CADM1: variants seen among roughly 807,000 people sequenced by gnomAD.
CADM1 encodes TSLC-1.
Under a neutral mutation model 53.1 loss-of-function variants are expected in CADM1, and 15 were observed. The observed-to-expected ratio is 0.28, with a 90% CI of 0.19 to 0.44. The LOEUF (loss-of-function observed/expected upper bound fraction) is 0.44, where lower values mean the gene tolerates loss of function less well. Among genes scored for constraint, CADM1 ranks in the 20% least tolerant of loss-of-function variants. The pLI, the probability that CADM1 is intolerant of heterozygous loss-of-function variation, is 1.00. For synonymous variants in CADM1, 281 were observed against 243.0 expected, an observed-to-expected ratio of 1.16 and a Z score of -1.45; for missense variants, 434 against 611.3, an observed-to-expected ratio of 0.71 and a Z score of 3.06.
At chr11:115,468,060 T>C (rs1330357721) in intron 1 of CADM1, among the ~76,000 whole-genome samples, 2 of 152,216 alleles carry the variant, frequency 1.3e-5, no homozygotes, top group Non-Finnish European at 1.5e-5. Flanking sequence ...TAGAAAAAGA[T>C]GTAATAAAAC....
intron 1 of CADM1, among the ~76,000 whole-genome samples, chr11:115,501,713 T>C (rs1949730181): frequency 1.3e-5 from 2 of 152,116 alleles, no homozygotes; most frequent in Non-Finnish European, 2.9e-5. Context: ...CCAGCAAGGA[T>C]GTAAACGAAA....
intron 1 of CADM1, among the ~76,000 whole-genome samples, chr11:115,308,374 A>C: frequency 6.6e-6 from 1 of 151,912 alleles, no homozygotes; most frequent in East Asian, 1.9e-4. Flanking sequence ...GCTCAGACAT[A>C]AAAAGGGTTA....
chr11:115,273,953 A>G (rs894866725), intron 1 of CADM1, among the ~76,000 whole-genome samples: 1 of 152,222 alleles, frequency 6.6e-6, no homozygotes, highest in Non-Finnish European at 1.5e-5. Context: ...ATTAAATAGA[A>G]GTTGTGTTCT....
At chr11:115,214,053 T>C (rs1941073685) in intron 7 of CADM1, among the ~76,000 whole-genome samples, 1 of 128,756 alleles carries the variant, frequency 7.8e-6, no homozygotes, top group Non-Finnish European at 1.9e-5. Flanking sequence ...AAAATGATAT[T>C]AAAAAAACAG....
At chr11:115,322,774 T>C (rs1356492090) in intron 1 of CADM1, among the ~76,000 whole-genome samples, 2 of 152,332 alleles carry the variant, frequency 1.3e-5, no homozygotes, top group East Asian at 1.9e-4. Flanking sequence ...TATTCTGTTA[T>C]TTGGCTATAC....
intron 1 of CADM1, among the ~76,000 whole-genome samples, chr11:115,272,420 C>T (rs1282038402): frequency 6.6e-6 from 1 of 151,692 alleles, no homozygotes; most frequent in African/African-American, 2.4e-5. Context: ...AAACTGTTTT[C>T]ATATTTTAAA....
intron 1 of CADM1, among the ~76,000 whole-genome samples, chr11:115,389,202 G>A (rs139327240): frequency 2.0e-5 from 3 of 152,228 alleles, no homozygotes; most frequent in African/African-American, 7.2e-5. Flanking sequence ...ATGTCAATAA[G>A]AGGCGAATCC....
At chr11:115,265,109 C>G (rs1447614649) in intron 1 of CADM1, among the ~76,000 whole-genome samples, 1 of 152,146 alleles carries the variant, frequency 6.6e-6, no homozygotes, top group African/African-American at 2.4e-5. Flanking sequence ...GGACTGCCTC[C>G]CACCTACCAC....
intron 1 of CADM1, among the ~76,000 whole-genome samples, chr11:115,494,839 T>C (rs1949574958): frequency 6.6e-6 from 1 of 152,198 alleles, no homozygotes; most frequent in African/African-American, 2.4e-5. Context: ...ATTTTTGCCA[T>C]CTTGTAAAGT....
intron 3 of CADM1, among the ~76,000 whole-genome samples, chr11:115,233,853 G>A (rs1036509357): frequency 6.6e-6 from 1 of 152,198 alleles, no homozygotes; most frequent in African/African-American, 2.4e-5. Flanking sequence ...TTAGGAAGGT[G>A]GCTCTCTTAG....
chr11:115,178,551 A>G (rs975908938), intron 11 of CADM1, 93 bp downstream of exon 11: 1 of 1,202,986 alleles, frequency 8.3e-7, no homozygotes, highest in African/African-American at 1.5e-5. Flanking sequence ...GTGGCCACAT[A>G]CATCAAATTG....
chr11:115,393,050 G>C (rs867658869), intron 1 of CADM1, among the ~76,000 whole-genome samples: 1 of 118,430 alleles, frequency 8.4e-6, no homozygotes, highest in Non-Finnish European at 1.6e-5. Flanking sequence ...GCAACATAGC[G>C]AGACCCCATC....
At chr11:115,206,781 T>TTTTTTTTTTTTTTTTTTA (rs1940715544) in intron 8 of CADM1, among the ~76,000 whole-genome samples, 1 of 135,630 alleles carries the variant, frequency 7.4e-6, no homozygotes, top group African/African-American at 2.8e-5. Flanking sequence ...TTTTTTTTTT[T>TTTTTTTTTTTTTTTTTTA]TTTTTTTTAA....
intron 1 of CADM1, among the ~76,000 whole-genome samples, chr11:115,473,769 T>G (rs566367378): frequency 6.6e-6 from 1 of 152,246 alleles, no homozygotes; most frequent in East Asian, 1.9e-4. Context: ...TCTTCATGAC[T>G]TTGGGTTAGA....
chr11:115,381,621 T>C (rs1262609276), intron 1 of CADM1, among the ~76,000 whole-genome samples: 1 of 152,166 alleles, frequency 6.6e-6, no homozygotes, highest in Non-Finnish European at 1.5e-5. Context: ...TGGAGACATC[T>C]TTCTCATTCG....
chr11:115,335,052 G>A (rs1404313909), intron 1 of CADM1, among the ~76,000 whole-genome samples: 3 of 152,016 alleles, frequency 2.0e-5, no homozygotes, highest in Non-Finnish European at 4.4e-5. Flanking sequence ...CCTTAAAGAT[G>A]AGCTTTTCAA....
chr11:115,238,439 C>T lies in CADM1; in HGVS notation c.424+61G>A, dbSNP rs534206388. 1.1e-4 allele frequency: 172 copies of T among 1,527,736 alleles called. No individual in the cohort carries two copies. In the African/African-American group the frequency reaches 1.8e-3, roughly 16 times the overall value. 94.6% of individuals were successfully genotyped at this position (1,527,736 alleles called of 1,614,324 possible). ...GAATTCACCATTAACCTTTTCCTTG[C>T]TGCTGTAAAAGGGCCATCTCTATTC... On this transcript the variant is annotated intron_variant, in intron 3 of 11. Transcript: ENST00000331581.
rs551719527 is a variant in CADM1, at chr11:115,303,145, A to G, written c.125-62725T>C. Among the ~76,000 whole-genome samples, 15 of 152,208 alleles carry G rather than the reference A, an allele frequency of 9.9e-5. No individual in the cohort carries two copies. In the South Asian group the frequency reaches 1.2e-3, roughly 13 times the overall value. ...TGGTACAAAAAAGCCAGCCAAGTAT[A>G]CATTCTCTTCTTAATAACCTTAAAT... On this transcript the variant is annotated intron_variant, in intron 1 of 11. Coordinates refer to ENST00000331581, the MANE Select transcript of CADM1 (RefSeq NM_001301043.2).
intron 1 of CADM1, among the ~76,000 whole-genome samples, chr11:115,374,204 T>C (rs1375998031): frequency 6.6e-6 from 1 of 152,150 alleles, no homozygotes; most frequent in African/African-American, 2.4e-5. Context: ...CAGAAAAGGA[T>C]ATTAGCAAAG....
Sources: allele counts gnomAD v4.1 joint callset (sites outside exome capture counted in the v4.1 genomes callset), GRCh38; gene constraint gnomAD v4.1.1; transcripts MANE v1.5; gene names NCBI Gene and HGNC (gene_info 2026-07-23, HGNC 2026-07-21).